The following PARD3 variants were observed in gnomAD, a reference collection of about 807,000 sequenced individuals.
PARD3 encodes the protein partitioning defective 3 homolog.
In PARD3, 75 loss-of-function variants were observed where a neutral mutation model predicts 155.4. The observed-to-expected ratio is 0.48, with a 90% CI of 0.40 to 0.58. The LOEUF (loss-of-function observed/expected upper bound fraction) is 0.58, where lower values mean the gene tolerates loss of function less well. Among genes scored for constraint, PARD3 ranks in the 20% least tolerant of loss-of-function variants. PARD3 has a pLI of 0.00. For synonymous variants in PARD3, 576 were observed against 610.5 expected (o/e 0.94, Z 0.83); for missense variants, 1,642 against 1,721.7 (o/e 0.95, Z 0.82).
At chr10:34,538,270 T>C (rs1170609608) in intron 2 of PARD3, among the ~76,000 whole-genome samples, 2 of 152,188 alleles carry the variant, frequency 1.3e-5, no homozygotes, top group African/African-American at 4.8e-5. Context: ...TGTGAGATCT[T>C]AAAAACAACA....
intron 3 of PARD3, among the ~76,000 whole-genome samples, chr10:34,474,388 T>A (rs376412626): frequency 3.9e-5 from 6 of 152,314 alleles, no homozygotes; most frequent in Non-Finnish European, 8.8e-5. Flanking sequence ...CACAATGATG[T>A]GCTTCTATCT....
intron 24 of PARD3, 70 bp downstream of exon 24, chr10:34,119,542 GC>G: frequency 6.9e-7 from 1 of 1,454,122 alleles, no homozygotes; most frequent in Non-Finnish European, 9.2e-7. Context: ...TTGGGAAGGA[GC>G]GCGTTCCTAA....
At chr10:34,680,285 G>A (rs2093786757) in intron 2 of PARD3, among the ~76,000 whole-genome samples, 1 of 152,110 alleles carries the variant, frequency 6.6e-6, no homozygotes, top group Non-Finnish European at 1.5e-5. Flanking sequence ...TCAGGCCAGT[G>A]TGGCAGCTCA....
chr10:34,814,338 AG>A (rs1325940430), intron 1 of PARD3, among the ~76,000 whole-genome samples: 22 of 152,146 alleles, frequency 1.4e-4, no homozygotes, highest in African/African-American at 5.3e-4. Context: ...ATGGAGGAAA[AG>A]CCCCCCGCCG....
At chr10:34,751,687 T>A (rs1470894305) in intron 1 of PARD3, among the ~76,000 whole-genome samples, 1 of 151,828 alleles carries the variant, frequency 6.6e-6, no homozygotes, top group Non-Finnish European at 1.5e-5. Context: ...CACTGCAGCC[T>A]CGACTTCCCA....
chr10:34,787,375 T>A (rs1294889359), intron 1 of PARD3, among the ~76,000 whole-genome samples: 2 of 152,092 alleles, frequency 1.3e-5, no homozygotes, highest in Non-Finnish European at 2.9e-5. Context: ...TGAGACTCCA[T>A]CTCAAAAACA....
intron 2 of PARD3, among the ~76,000 whole-genome samples, chr10:34,688,635 A>T (rs1257554531): frequency 6.6e-6 from 1 of 152,218 alleles, no homozygotes; most frequent in Non-Finnish European, 1.5e-5. Context: ...TAGAAAATCA[A>T]ACCTACTCCA....
intron 2 of PARD3, among the ~76,000 whole-genome samples, chr10:34,578,840 T>G (rs190386038): frequency 3.5e-4 from 53 of 152,368 alleles, no homozygotes; most frequent in African/African-American, 1.2e-3. Flanking sequence ...GACTTTTATG[T>G]GGCTGAAATT....
At chr10:34,384,493 A>G (rs572236970) in intron 7 of PARD3, among the ~76,000 whole-genome samples, 1 of 152,352 alleles carries the variant, frequency 6.6e-6, no homozygotes, top group Admixed American at 6.5e-5. Flanking sequence ...TTATGTTTCT[A>G]GAACAAGCTA....
intron 3 of PARD3, among the ~76,000 whole-genome samples, chr10:34,480,811 T>C (rs2079033705): frequency 6.7e-6 from 1 of 148,938 alleles, no homozygotes; most frequent in East Asian, 1.9e-4. Flanking sequence ...TTTTTTTTTT[T>C]TTCTTTTTTG....
chr10:34,800,114 A>G (rs1842715315), intron 1 of PARD3, among the ~76,000 whole-genome samples: 1 of 150,784 alleles, frequency 6.6e-6, no homozygotes, highest in African/African-American at 2.5e-5. Flanking sequence ...TGGGTGACAG[A>G]GCAAGACCCT....
At chr10:34,692,161 G>A (rs1231640659) in intron 2 of PARD3, among the ~76,000 whole-genome samples, 1 of 151,446 alleles carries the variant, frequency 6.6e-6, no homozygotes. Flanking sequence ...GAACCTGGGA[G>A]GCAGAGGTTG....
Position 34,348,057 on chromosome 10 carries a change from T to C in PARD3, c.2126A>G (p.Asp709Gly), listed in dbSNP as rs1204555595. ...GGAATGGGAAATTCTTCGTTCTCTA[T>C]CATCCAACGCTGTTTCAATGGGCAG... ...PELPIETALD[D>G]RERRISHSLY... Residue 709 changes from aspartate (D) to glycine (G), a missense_variant, in exon 15 of 25, where the codon GAT becomes GGT. Asp to Gly is a moderately conservative substitution (Grantham distance 94). Coordinates refer to ENST00000374788, the MANE Select transcript of PARD3 (RefSeq NM_001184785.2). 1 of 1,613,366 alleles carries C rather than the reference T, an allele frequency of 6.2e-7. No individual in the cohort carries two copies. Among genetic ancestry groups the C allele is most frequent in the East Asian group, 2.2e-5 (1 of 44,854 alleles).
chr10:34,290,170 C>T (rs1053511037), intron 20 of PARD3, among the ~76,000 whole-genome samples: 6 of 151,966 alleles, frequency 3.9e-5, no homozygotes, highest in Non-Finnish European at 7.4e-5. Flanking sequence ...TAGCATCCTG[C>T]GATAAATAAA....
rs148409272 is a variant in PARD3, at chr10:34,432,358, A to G, written c.714+17959T>C. Among the ~76,000 whole-genome samples, 822 of 146,968 alleles carry G rather than the reference A, an allele frequency of 5.6e-3. 7 individuals are homozygous for G. The highest frequency in any genetic ancestry group is 0.021 in the African/African-American group (781 of 36,980). ...CACATACACACACACACACACACAC[A>G]CACACACACACACACACAGAGGAGT... On this transcript the variant is annotated intron_variant, in intron 5 of 24. Transcript: ENST00000374788.
intron 5 of PARD3, among the ~76,000 whole-genome samples, chr10:34,423,835 T>G (rs1445855935): frequency 6.6e-6 from 1 of 152,140 alleles, no homozygotes; most frequent in African/African-American, 2.4e-5. Flanking sequence ...CACCTTAAAA[T>G]CATAATGGTG....
chr10:34,174,823 G>A (rs1949963119), intron 22 of PARD3, among the ~76,000 whole-genome samples: 1 of 151,990 alleles, frequency 6.6e-6, no homozygotes, highest in African/African-American at 2.4e-5. Context: ...TCTATATTAT[G>A]GTTGTATATA....
intron 22 of PARD3, among the ~76,000 whole-genome samples, chr10:34,256,592 T>C (rs1236905530): frequency 6.6e-6 from 1 of 152,218 alleles, no homozygotes; most frequent in Non-Finnish European, 1.5e-5. Context: ...GGAATCACCT[T>C]GGAGGCAACT....
intron 5 of PARD3, among the ~76,000 whole-genome samples, chr10:34,412,459 A>G (rs1039843792): frequency 6.6e-6 from 1 of 152,172 alleles, no homozygotes; most frequent in Non-Finnish European, 1.5e-5. Context: ...TCCCAGCCCT[A>G]GCAGACATCC....
Sources: allele counts gnomAD v4.1 joint callset (sites outside exome capture counted in the v4.1 genomes callset), GRCh38; gene constraint gnomAD v4.1.1; transcripts MANE v1.5; gene names NCBI Gene and HGNC (gene_info 2026-07-23, HGNC 2026-07-21).